Variants in UBASH3B observed in about 807,000 individuals in gnomAD.
The protein encoded by UBASH3B is ubiquitin-associated and SH3 domain-containing protein B.
UBASH3B carries 37 observed loss-of-function variants against 83.4 expected under a neutral mutation model. The observed-to-expected ratio is 0.44, with a 90% confidence interval of 0.34 to 0.58. UBASH3B has a LOEUF of 0.58. UBASH3B is among the 20% of genes least tolerant of loss of function. The probability of loss-of-function intolerance (pLI) is 0.01; values close to 1 mark genes in which losing one functional copy is unlikely to be tolerated. For synonymous variants in UBASH3B, 304 were observed against 318.3 expected, an observed-to-expected ratio of 0.96 and a Z score of 0.48; for missense variants, 657 against 827.2, an observed-to-expected ratio of 0.79 and a Z score of 2.52.
intron 1 of UBASH3B, among the ~76,000 whole-genome samples, chr11:122,714,864 C>T (rs957807788): frequency 3.5e-4 from 54 of 152,212 alleles, no homozygotes; most frequent in African/African-American, 8.4e-4. Flanking sequence ...CCTTCTCCTT[C>T]TCTCATCTGT....
intron 1 of UBASH3B, among the ~76,000 whole-genome samples, chr11:122,745,516 G>A (rs903012280): frequency 7.9e-5 from 12 of 152,304 alleles, no homozygotes; most frequent in Non-Finnish European, 7.3e-5. Flanking sequence ...AATGGATTCC[G>A]TTTCCAGCTC....
intron 1 of UBASH3B, among the ~76,000 whole-genome samples, chr11:122,726,538 C>CG (rs1255119960): frequency 6.6e-6 from 1 of 151,826 alleles, no homozygotes; most frequent in Non-Finnish European, 1.5e-5. Flanking sequence ...TTAGTAGAGA[C>CG]GGGGTTTCAC....
chr11:122,741,013 G>T (rs990220661), intron 1 of UBASH3B, among the ~76,000 whole-genome samples: 1 of 152,114 alleles, frequency 6.6e-6, no homozygotes, highest in East Asian at 1.9e-4. Context: ...ACTTCAAAGC[G>T]CATATTAACA....
intron 1 of UBASH3B, among the ~76,000 whole-genome samples, chr11:122,660,690 G>A (rs1190105733): frequency 2.0e-5 from 3 of 152,216 alleles, no homozygotes; most frequent in Non-Finnish European, 4.4e-5. Context: ...GGGCCTTGGA[G>A]CAAGTCACTG....
intron 1 of UBASH3B, among the ~76,000 whole-genome samples, chr11:122,673,068 A>G (rs543932550): frequency 6.6e-6 from 1 of 152,354 alleles, no homozygotes; most frequent in African/African-American, 2.4e-5. Flanking sequence ...TGGTTGGGCA[A>G]GCGTTCACTG....
At chr11:122,658,167 C>G (rs1863389163) in intron 1 of UBASH3B, among the ~76,000 whole-genome samples, 1 of 125,764 alleles carries the variant, frequency 8.0e-6, no homozygotes, top group South Asian at 2.7e-4. Context: ...CAGAGCGAGA[C>G]TTCATCTCAA....
intron 1 of UBASH3B, among the ~76,000 whole-genome samples, chr11:122,718,144 C>T (rs1025230347): frequency 3.3e-5 from 5 of 152,220 alleles, no homozygotes; most frequent in Middle Eastern, 3.4e-3. Context: ...AGGCAGGCCT[C>T]GAGCTCCTAA....
At chr11:122,743,798 C>T (rs1861066279) in intron 1 of UBASH3B, among the ~76,000 whole-genome samples, 3 of 152,140 alleles carry the variant, frequency 2.0e-5, no homozygotes, top group South Asian at 4.1e-4. Context: ...GGCAAGGTGG[C>T]GTGGCAGGCA....
At chr11:122,717,482 T>C (rs1420513175) in intron 1 of UBASH3B, among the ~76,000 whole-genome samples, 1 of 152,200 alleles carries the variant, frequency 6.6e-6, no homozygotes, top group African/African-American at 2.4e-5. Context: ...TCCTGTGGCC[T>C]CCACCACATG....
intron 1 of UBASH3B, among the ~76,000 whole-genome samples, chr11:122,691,213 G>C (rs1395530595): frequency 1.3e-5 from 2 of 152,170 alleles, no homozygotes; most frequent in Non-Finnish European, 2.9e-5. Flanking sequence ...TGCCTTTGCC[G>C]GGCCTTTCCT....
chr11:122,769,718 C>T (rs1025379089), intron 1 of UBASH3B, among the ~76,000 whole-genome samples: 1 of 152,198 alleles, frequency 6.6e-6, no homozygotes, highest in Non-Finnish European at 1.5e-5. Context: ...CAAAAGAATA[C>T]CTCCATCTTC....
chr11:122,812,769 C>T lies in UBASH3B; in HGVS notation c.*2883C>T, dbSNP rs778776801. ...TTTGTTTCCTGTGATTTTAAAATACCGCGTCTGTTCCTCCATGGACCAGAG... is the reference window on the plus strand; with the variant it reads ...TTTGTTTCCTGTGATTTTAAAATACTGCGTCTGTTCCTCCATGGACCAGAG... On this transcript the variant is annotated 3_prime_UTR_variant, in exon 14 of 14. Transcript: ENST00000284273. 5 of 152,124 alleles carry T rather than the reference C, an allele frequency of 3.3e-5. No homozygotes were observed. Among genetic ancestry groups the T allele is most frequent in the African/African-American group, 4.8e-5 (2 of 41,400 alleles). The allele number at this position is 152,124 out of a possible 1,614,324, so 9.4% of individuals were successfully genotyped here.
chr11:122,714,391 A>C (rs1290094399), intron 1 of UBASH3B, among the ~76,000 whole-genome samples: 3 of 152,234 alleles, frequency 2.0e-5, no homozygotes, highest in African/African-American at 7.2e-5. Flanking sequence ...ATTGGCCCTT[A>C]GGGTCAAGCC....
In UBASH3B at chr11:122,706,501, G is replaced by A. The variant is rs535499686; in HGVS notation, c.161+50291G>A. On this transcript the variant is annotated intron_variant, in intron 1 of 13. Transcript: ENST00000284273. The stretch of plus-strand genomic sequence containing the variant: ...TAACAACTTGTGTTGTTAAGCTAGA[G>A]AGTGTACATTCTGCATTTTACTCCA... Among the ~76,000 whole-genome samples the A allele has an allele frequency of 1.5e-4, 23 of 152,294 alleles. 1 individual carries two copies. Among genetic ancestry groups the A allele is most frequent in the South Asian group, 1.2e-3 (6 of 4,820 alleles).
At chr11:122,717,968 C>T (rs1025116047) in intron 1 of UBASH3B, among the ~76,000 whole-genome samples, 4 of 151,548 alleles carry the variant, frequency 2.6e-5, no homozygotes, top group East Asian at 3.9e-4. Flanking sequence ...GTCACCCAGA[C>T]TGGAGTGCAG....
intron 1 of UBASH3B, among the ~76,000 whole-genome samples, chr11:122,663,158 A>G (rs61911532): frequency 0.39 from 58,666 of 151,640 alleles, 11,521 homozygotes; most frequent in African/African-American, 0.43. Flanking sequence ...TTGTATTTTA[A>G]TAGAGACATG....
chr11:122,800,376 A>G (rs1230910902), intron 10 of UBASH3B, among the ~76,000 whole-genome samples: 1 of 130,082 alleles, frequency 7.7e-6, no homozygotes, highest in African/African-American at 3.1e-5. Context: ...CATCTCTACT[A>G]AAAATACAAA....
intron 2 of UBASH3B, 107 bp from the exon 3 acceptor site, chr11:122,776,917 C>T (rs1860744909): frequency 9.3e-7 from 1 of 1,071,374 alleles, no homozygotes; most frequent in Admixed American, 2.6e-5. Context: ...CTTCCCCGCG[C>T]TGTGCCGGGG....
At chr11:122,768,466 A>ATGTGTGTGTG (rs1555144490) in intron 1 of UBASH3B, among the ~76,000 whole-genome samples, 54 of 129,020 alleles carry the variant, frequency 4.2e-4, no homozygotes, top group African/African-American at 1.7e-3. Context: ...AGAGATATAT[A>ATGTGTGTGTG]TGTATGTGTG....
Sources: gnomAD v4.1 joint callset for allele counts (sites outside exome capture counted in the v4.1 genomes callset) on GRCh38, gnomAD v4.1.1 for gene constraint, MANE v1.5 for transcripts, NCBI Gene and HGNC (gene_info 2026-07-23, HGNC 2026-07-21) for gene names.